Variants in DNER observed in about 807,000 individuals in gnomAD.
The protein encoded by DNER is delta/notch like EGF repeat containing, also known as delta and Notch-like epidermal growth factor-related receptor.
Under a neutral mutation model 78.2 loss-of-function variants are expected in DNER, and 33 were observed. The observed-to-expected ratio is 0.42, with a 90% CI of 0.32 to 0.56. DNER has a LOEUF of 0.56. Among genes scored for constraint, DNER ranks in the 20% least tolerant of loss-of-function variants. The pLI, the probability that DNER is intolerant of heterozygous loss-of-function variation, is 0.11. For synonymous variants in DNER, 417 were observed against 384.8 expected (o/e 1.08, Z -0.98); for missense variants, 918 against 975.3 (o/e 0.94, Z 0.78).
intron 8 of DNER, among the ~76,000 whole-genome samples, chr2:229,440,661 C>G (rs1400307946): frequency 6.6e-6 from 1 of 152,232 alleles, no homozygotes; most frequent in African/African-American, 2.4e-5. Context: ...CACATTCCAG[C>G]CCCAAGTAAG....
At chr2:229,612,925 T>C (rs1328671776) in intron 1 of DNER, among the ~76,000 whole-genome samples, 1 of 152,072 alleles carries the variant, frequency 6.6e-6, no homozygotes, top group African/African-American at 2.4e-5. Context: ...TACAAAACTA[T>C]TTTGGACCAA....
chr2:229,577,026 C>T (rs1475514194), intron 4 of DNER, among the ~76,000 whole-genome samples: 1 of 152,128 alleles, frequency 6.6e-6, no homozygotes, highest in African/African-American at 2.4e-5. Flanking sequence ...GATGAAGCAG[C>T]TGGTCAGGGT....
chr2:229,407,731 G>A (rs1693418731), intron 9 of DNER, among the ~76,000 whole-genome samples: 1 of 152,146 alleles, frequency 6.6e-6, no homozygotes, highest in Admixed American at 6.5e-5. Flanking sequence ...TTAGCAACCT[G>A]AAAGTGAAGA....
chr2:229,484,214 T>C (rs1339566048), intron 6 of DNER, among the ~76,000 whole-genome samples: 1 of 152,230 alleles, frequency 6.6e-6, no homozygotes, highest in Non-Finnish European at 1.5e-5. Context: ...GAGAACGGCC[T>C]GGGTAAAATG....
intron 1 of DNER, among the ~76,000 whole-genome samples, chr2:229,662,370 G>T (rs1261218675): frequency 6.6e-6 from 1 of 152,124 alleles, no homozygotes; most frequent in Non-Finnish European, 1.5e-5. Context: ...CATCCCAAGG[G>T]AGTACTCATT....
At chr2:229,388,047 T>A (rs954929184) in intron 11 of DNER, among the ~76,000 whole-genome samples, 2 of 151,278 alleles carry the variant, frequency 1.3e-5, no homozygotes, top group Non-Finnish European at 2.9e-5. Context: ...CAGGAGGGAG[T>A]GGGGGCAGCA....
At chr2:229,707,110 T>C (rs1191920550) in intron 1 of DNER, among the ~76,000 whole-genome samples, 2 of 151,664 alleles carry the variant, frequency 1.3e-5, no homozygotes, top group African/African-American at 4.8e-5. Flanking sequence ...GCCTTCAGGA[T>C]TCAAGTGATT....
chr2:229,623,137 T>G (rs1395415631), intron 1 of DNER, among the ~76,000 whole-genome samples: 2 of 152,160 alleles, frequency 1.3e-5, no homozygotes, highest in Non-Finnish European at 2.9e-5. Context: ...GACCTCATGG[T>G]GGGAGCATTC....
intron 4 of DNER, among the ~76,000 whole-genome samples, chr2:229,561,312 T>C (rs1301422958): frequency 5.3e-5 from 8 of 152,182 alleles, no homozygotes; most frequent in Non-Finnish European, 1.2e-4. Flanking sequence ...AGTAATATCA[T>C]TTGCTCTAGG....
intron 1 of DNER, among the ~76,000 whole-genome samples, chr2:229,612,950 T>C (rs1698076500): frequency 6.6e-6 from 1 of 152,244 alleles, no homozygotes; most frequent in Admixed American, 6.5e-5. Flanking sequence ...TGTATTTGCA[T>C]ATTTCAGGCA....
intron 1 of DNER, among the ~76,000 whole-genome samples, chr2:229,647,673 T>A (rs2154216180): frequency 6.6e-6 from 1 of 152,340 alleles, no homozygotes; most frequent in South Asian, 2.1e-4. Context: ...AATTTCGAAG[T>A]GACAACACAA....
chr2:229,453,920 T>TAAAAAAAAAAAAAA, intron 7 of DNER, among the ~76,000 whole-genome samples: 1 of 106,864 alleles, frequency 9.4e-6, no homozygotes, highest in South Asian at 3.9e-4. Flanking sequence ...TAAAATATAT[T>TAAAAAAAAAAAAAA]AAAAAAAAAA....
intron 10 of DNER, among the ~76,000 whole-genome samples, chr2:229,404,135 G>A (rs529487422): frequency 2.6e-5 from 4 of 152,270 alleles, no homozygotes; most frequent in African/African-American, 9.6e-5. Context: ...CTGCAAAGAA[G>A]TGAAAAGATC....
chr2:229,565,589 T>C (rs1370007449), intron 4 of DNER, among the ~76,000 whole-genome samples: 1 of 152,156 alleles, frequency 6.6e-6, no homozygotes, highest in African/African-American at 2.4e-5. Flanking sequence ...TATAAAAATA[T>C]TCAAATTATA....
At chr2:229,614,201 T>A (rs1698109484) in intron 1 of DNER, among the ~76,000 whole-genome samples, 2 of 151,238 alleles carry the variant, frequency 1.3e-5, no homozygotes, top group East Asian at 1.9e-4. Flanking sequence ...TTTAAAAAAA[T>A]AATAATAATA....
At chr2:229,704,093 T>A (rs577808673) in intron 1 of DNER, among the ~76,000 whole-genome samples, 1 of 152,264 alleles carries the variant, frequency 6.6e-6, no homozygotes, top group South Asian at 2.1e-4. Context: ...AAATAGCATA[T>A]GAAAAGATGT....
intron 7 of DNER, among the ~76,000 whole-genome samples, chr2:229,465,599 A>T (rs1694787742): frequency 1.3e-5 from 2 of 152,182 alleles, no homozygotes; most frequent in Admixed American, 6.5e-5. Context: ...AAAAAAAAAT[A>T]AAAAACAAAC....
chr2:229,597,764 A>C (rs1252461900), intron 1 of DNER, among the ~76,000 whole-genome samples: 3 of 152,248 alleles, frequency 2.0e-5, no homozygotes, highest in Non-Finnish European at 4.4e-5. Context: ...TTGCTGCATC[A>C]GATCAATTTA....
At chr2:229,389,399 AG>A (rs1692968419) in intron 10 of DNER, among the ~76,000 whole-genome samples, 1 of 147,968 alleles carries the variant, frequency 6.8e-6, no homozygotes, top group African/African-American at 2.7e-5. Context: ...TTAAAGCTGA[AG>A]AGAAGAGGAT....
Sources: gnomAD v4.1 joint callset for allele counts (sites outside exome capture counted in the v4.1 genomes callset) on GRCh38, gnomAD v4.1.1 for gene constraint, MANE v1.5 for transcripts, NCBI Gene and HGNC (gene_info 2026-07-23, HGNC 2026-07-21) for gene names.